ZC4H2: variants seen among roughly 807,000 people sequenced by gnomAD.
ZC4H2 encodes zinc finger C4H2 domain-containing protein.
For missense variants in ZC4H2, 137 were observed against 173.9 expected (o/e 0.79, Z 1.19); for synonymous variants, 84 against 66.3 (o/e 1.27, Z -1.30).
In ZC4H2 at chrX:64,944,223, C is replaced by T. The variant is rs953373496; in HGVS notation, c.54-22235G>A. ...TGGCGTGATCTCAGCTCACTGCAAG[C>T]GCTGCCTCTCAGGTTCATGCCATTC... On this transcript the variant is annotated intron_variant, in intron 1 of 4. Transcript: ENST00000374839. 4.8e-5 allele frequency among the ~76,000 whole-genome samples: 5 copies of T among 104,025 alleles called. No individual in the cohort carries two copies. The East Asian group carries it at 1.2e-3, about 25-fold the overall frequency. The allele number at this position is 104,025 out of a possible 115,157, so 90.3% of individuals were successfully genotyped here.
At position 64,954,340 on chromosome X, in the gene ZC4H2, T is replaced by G. The variant is rs866521413; in HGVS notation, c.53+21985A>C. On this transcript the variant is annotated intron_variant, in intron 1 of 4. Coordinates refer to ENST00000374839, the MANE Select transcript of ZC4H2 (RefSeq NM_018684.4). ...TAATTATATATATATATATATATAA[T>G]TATATATATATATAATTATATATAT... Among the ~76,000 whole-genome samples the G allele has an allele frequency of 2.2e-3, 155 of 70,671 alleles. 13 individuals carry two copies. Among genetic ancestry groups the G allele is most frequent in the African/African-American group, 0.011 (128 of 11,645 alleles). 61.4% of individuals were successfully genotyped at this position (70,671 alleles called of 115,157 possible). A position where few individuals can be genotyped will look rare whatever the true frequency, so the allele number is the denominator to read the frequency against.
chrX:64,973,463 C>A (rs780074618), intron 1 of ZC4H2, among the ~76,000 whole-genome samples: 5 of 109,559 alleles, frequency 4.6e-5, no homozygotes, highest in Admixed American at 4.0e-4. Context: ...CATTTACAAT[C>A]CCCTTTACAT....
intron 1 of ZC4H2, among the ~76,000 whole-genome samples, chrX:64,936,819 A>G (rs897146033): frequency 9.8e-5 from 11 of 111,904 alleles, no homozygotes; most frequent in African/African-American, 3.6e-4. Flanking sequence ...CTGCAAAAAC[A>G]ACAAATTGTA....
At chrX:65,030,545 T>G (rs758932341) in intron 1 of ZC4H2, among the ~76,000 whole-genome samples, 1 of 112,420 alleles carries the variant, frequency 8.9e-6, no homozygotes, top group Non-Finnish European at 1.9e-5. Context: ...TTATGTAAAT[T>G]ATTTATTAAC....
intron 1 of ZC4H2, among the ~76,000 whole-genome samples, chrX:64,953,352 G>A (rs191981994): frequency 8.1e-5 from 9 of 111,567 alleles, no homozygotes; most frequent in South Asian, 3.8e-4. Flanking sequence ...GCTTCTGGGC[G>A]GCAAAGGAAA....
At chrX:64,982,496 C>T (rs1932102211) in intron 1 of ZC4H2, among the ~76,000 whole-genome samples, 1 of 112,193 alleles carries the variant, frequency 8.9e-6, no homozygotes, top group South Asian at 3.7e-4. Flanking sequence ...CACCACTTGC[C>T]CTAATTCTTA....
intron 1 of ZC4H2, among the ~76,000 whole-genome samples, chrX:64,938,982 G>C (rs185771542): frequency 8.9e-6 from 1 of 112,030 alleles, no homozygotes; most frequent in Admixed American, 9.5e-5. Flanking sequence ...CAAATAGAAA[G>C]AGAGGAAGTC....
intron 1 of ZC4H2, among the ~76,000 whole-genome samples, chrX:64,963,791 A>G (rs927295362): frequency 1.8e-5 from 2 of 111,786 alleles, no homozygotes; most frequent in Non-Finnish European, 3.8e-5. Context: ...ATTAATTACA[A>G]TAGCCAAGAT....
At chrX:64,963,236 A>T (rs933409580) in intron 1 of ZC4H2, among the ~76,000 whole-genome samples, 2 of 111,840 alleles carry the variant, frequency 1.8e-5, no homozygotes, top group African/African-American at 6.5e-5. Flanking sequence ...CCACATGCAA[A>T]CGTATAACAT....
intron 1 of ZC4H2, among the ~76,000 whole-genome samples, chrX:65,017,781 A>G (rs760684135): frequency 2.7e-5 from 3 of 112,199 alleles, no homozygotes; most frequent in Admixed American, 9.5e-5. Flanking sequence ...GTAGGATCAA[A>G]TGCTTACGAC....
At chrX:65,020,692 T>A (rs1016870134) in intron 1 of ZC4H2, among the ~76,000 whole-genome samples, 17 of 111,442 alleles carry the variant, frequency 1.5e-4, no homozygotes, top group African/African-American at 5.6e-4. Context: ...AATATTAACC[T>A]TAAAAGTAAA....
intron 1 of ZC4H2, among the ~76,000 whole-genome samples, chrX:64,950,616 CT>C: frequency 9.1e-6 from 1 of 110,346 alleles, no homozygotes; most frequent in African/African-American, 3.3e-5. Context: ...CCTTCTTTGT[CT>C]CTTTTGATCT....
At chrX:64,986,509 A>G in intron 1 of ZC4H2, among the ~76,000 whole-genome samples, 1 of 112,210 alleles carries the variant, frequency 8.9e-6, no homozygotes, top group Admixed American at 9.5e-5. Flanking sequence ...GTGGCAAGCC[A>G]TAGTTCAGGA....
intron 4 of ZC4H2, 95 bp from the exon 5 acceptor site, chrX:64,917,991 G>A: frequency 9.9e-7 from 1 of 1,007,756 alleles, no homozygotes; most frequent in Non-Finnish European, 1.3e-6. Flanking sequence ...AAAGCAAAGT[G>A]ATTTCCCATC....
chrX:64,932,294 G>T (rs1043898820), intron 1 of ZC4H2, among the ~76,000 whole-genome samples: 67 of 111,090 alleles, frequency 6.0e-4, no homozygotes, highest in African/African-American at 2.1e-3. Context: ...TACTTGGTTG[G>T]TGGTTTATTT....
chrX:64,989,632 A>G (rs1932269760), intron 1 of ZC4H2, among the ~76,000 whole-genome samples: 1 of 112,442 alleles, frequency 8.9e-6, no homozygotes, highest in Non-Finnish European at 1.9e-5. Flanking sequence ...AAAACTACAT[A>G]TTCAACAAAA....
chrX:64,999,904 G>C (rs1213655674), intron 1 of ZC4H2, among the ~76,000 whole-genome samples: 1 of 112,174 alleles, frequency 8.9e-6, no homozygotes, highest in Non-Finnish European at 1.9e-5. Context: ...CCTCCTCTCT[G>C]GGCAGGGCAT....
intron 1 of ZC4H2, among the ~76,000 whole-genome samples, chrX:64,951,030 C>A (rs1157003547): frequency 9.0e-6 from 1 of 110,598 alleles, no homozygotes; most frequent in African/African-American, 3.3e-5. Flanking sequence ...TTGTTCAATT[C>A]CCACCTATGA....
intron 1 of ZC4H2, among the ~76,000 whole-genome samples, chrX:64,951,877 T>G (rs781458167): frequency 7.2e-4 from 80 of 111,471 alleles, no homozygotes; most frequent in African/African-American, 2.5e-3. Flanking sequence ...TCCTTGCCAA[T>G]TCGTATGTCC....
Sources: gnomAD v4.1 joint callset for allele counts (sites outside exome capture counted in the v4.1 genomes callset) on GRCh38, gnomAD v4.1.1 for gene constraint, MANE v1.5 for transcripts, NCBI Gene and HGNC (gene_info 2026-07-23, HGNC 2026-07-21) for gene names.